VAV2: variants seen among roughly 807,000 people sequenced by gnomAD.
VAV2 encodes vav guanine nucleotide exchange factor 2.
VAV2 carries 67 observed loss-of-function variants against 132.5 expected under a neutral mutation model. That is an observed-to-expected ratio of 0.51 (90% CI 0.42 to 0.62). VAV2 has a LOEUF of 0.62. VAV2 is among the 20% of genes least tolerant of loss of function. VAV2 has a pLI of 0.00. For missense variants in VAV2, 938 were observed against 1,153.6 expected, an observed-to-expected ratio of 0.81 and a Z score of 2.71; for synonymous variants, 492 against 443.5, an observed-to-expected ratio of 1.11 and a Z score of -1.37.
rs889824198 is a variant in VAV2, at chr9:133,879,084, C to T, written c.322-17652G>A. Among the ~76,000 whole-genome samples the T allele has an allele frequency of 2.0e-5, 3 of 152,224 alleles. No homozygotes were observed. The highest frequency in any genetic ancestry group is 4.8e-5 in the African/African-American group (2 of 41,458). Reference sequence around the variant, plus strand: ...CATCCCAGGCATCCTGTGACATAGTCTTCCAGAGGGGACCGGGCCGGGCTT... The same window carrying T: ...CATCCCAGGCATCCTGTGACATAGTTTTCCAGAGGGGACCGGGCCGGGCTT... On this transcript the variant is annotated intron_variant, in intron 2 of 29. Coordinates refer to ENST00000371850, the MANE Select transcript of VAV2 (RefSeq NM_001134398.2). The surrounding 1 kb of genome is among the most constrained non-coding windows in gnomAD (Gnocchi z 4.4).
intron 2 of VAV2, among the ~76,000 whole-genome samples, chr9:133,936,650 G>C (rs2519100): frequency 0.51 from 76,782 of 151,942 alleles, 19,536 homozygotes; most frequent in East Asian, 0.64. Flanking sequence ...GGGGCGGCAG[G>C]AGCAGCAACC....
chr9:133,832,395 G>A (rs1836297169), intron 4 of VAV2, among the ~76,000 whole-genome samples: 1 of 152,174 alleles, frequency 6.6e-6, no homozygotes, highest in Non-Finnish European at 1.5e-5. Flanking sequence ...CTCTGCTGGG[G>A]GTTGGGGCCT....
rs1450008634 is a variant in VAV2 at position 133,991,774 on chromosome 9, C to T, written c.204+301G>A. ...CACTCGCAGGGCCCCGCAGAGCGAG[C>T]GCAGCGCCGGAGCCTCCCCCATCCC... On this transcript the variant is annotated intron_variant, in intron 1 of 29. Coordinates refer to ENST00000371850, the MANE Select transcript of VAV2 (RefSeq NM_001134398.2). This position sits in a 1 kb window ranked among gnomAD's most constrained non-coding sequence, Gnocchi z 4.8. Among the ~76,000 whole-genome samples the T allele has an allele frequency of 6.6e-6, 1 of 151,202 alleles. No individual in the cohort carries two copies. The highest frequency in any genetic ancestry group is 1.5e-5 in the Non-Finnish European group (1 of 67,640).
chr9:133,807,992 C>T lies in VAV2; in HGVS notation c.667-666G>A, dbSNP rs1050814156. 3.9e-5 allele frequency among the ~76,000 whole-genome samples: 6 copies of T among 152,236 alleles called. No homozygotes were observed. In the South Asian group the frequency reaches 8.3e-4, roughly 21 times the overall value. ...CATCCTCTGGGCCCAGCTGCTGCAC[C>T]GCTCCTTGGTCACCACGTGGCACAG... On this transcript the variant is annotated intron_variant, in intron 7 of 29. Coordinates refer to ENST00000371850, the MANE Select transcript of VAV2 (RefSeq NM_001134398.2).
In VAV2 at chr9:133,882,882, C is replaced by T. The variant is rs1007897592; in HGVS notation, c.322-21450G>A. 2.0e-5 allele frequency among the ~76,000 whole-genome samples: 3 copies of T among 152,162 alleles called. No individual in the cohort carries two copies. In the South Asian group the frequency reaches 6.2e-4, roughly 32 times the overall value. On this transcript the variant is annotated intron_variant, in intron 2 of 29. Transcript: ENST00000371850. ...AGGACCCCCAGGGAGCAGGGGGCGA[C>T]AGCTGAGAGGCCCAGGAGGACAAGA...
chr9:133,947,464 C>T (rs1841401053), intron 1 of VAV2, among the ~76,000 whole-genome samples: 1 of 152,114 alleles, frequency 6.6e-6, no homozygotes, highest in Non-Finnish European at 1.5e-5. Flanking sequence ...CTTTGGGAGG[C>T]CAAGGCGGGT....
intron 2 of VAV2, among the ~76,000 whole-genome samples, chr9:133,911,112 C>T (rs573452177): frequency 2.0e-5 from 3 of 152,314 alleles, no homozygotes; most frequent in Non-Finnish European, 4.4e-5. Context: ...CAGGTCTGAT[C>T]TCTACAGTTT....
intron 4 of VAV2, among the ~76,000 whole-genome samples, chr9:133,816,881 T>G (rs960707995): frequency 3.9e-5 from 6 of 152,268 alleles, no homozygotes; most frequent in Non-Finnish European, 8.8e-5. Flanking sequence ...AACACTTCTG[T>G]GTCTTGATAC....
At chr9:133,976,923 G>T (rs1842530458) in intron 1 of VAV2, among the ~76,000 whole-genome samples, 1 of 152,242 alleles carries the variant, frequency 6.6e-6, no homozygotes, top group South Asian at 2.1e-4. Flanking sequence ...AAAGCACACA[G>T]TGTGAGCAGC....
At chr9:133,877,197 C>T (rs777603156) in intron 2 of VAV2, among the ~76,000 whole-genome samples, 45 of 152,260 alleles carry the variant, frequency 3.0e-4, no homozygotes, top group African/African-American at 9.6e-4. Flanking sequence ...CCTGGCTGTA[C>T]GAGGAGAGGC....
intron 1 of VAV2, among the ~76,000 whole-genome samples, chr9:133,959,095 A>G (rs1029559571): frequency 6.6e-6 from 1 of 152,164 alleles, no homozygotes; most frequent in African/African-American, 2.4e-5. Flanking sequence ...GCCCCAGATG[A>G]TGGGGTTCCT....
At chr9:133,954,654 AG>A (rs1243870758) in intron 1 of VAV2, among the ~76,000 whole-genome samples, 3 of 152,220 alleles carry the variant, frequency 2.0e-5, no homozygotes, top group African/African-American at 4.8e-5. Context: ...ATGCTCGAGC[AG>A]GGCAAGGTCT....
Position 133,788,269 on chromosome 9 carries a change from C to T in VAV2, c.1407+85G>A. The T allele has an allele frequency of 6.5e-7, 1 of 1,527,214 alleles. No individual in the cohort carries two copies. The highest frequency in any genetic ancestry group is 8.9e-7 in the Non-Finnish European group (1 of 1,121,336). The allele number at this position is 1,527,214 out of a possible 1,614,324, so 94.6% of individuals were successfully genotyped here. A position where few individuals can be genotyped will look rare whatever the true frequency, so the allele number is the denominator to read the frequency against. Reference sequence around the variant, plus strand: ...AGCATCAGCGGCTGACTTCGAGTCCCCTTCCCCTGGGGTCTGGAACCCAGT... The same window carrying T: ...AGCATCAGCGGCTGACTTCGAGTCCTCTTCCCCTGGGGTCTGGAACCCAGT... On this transcript the variant is annotated intron_variant, in intron 15 of 29. Transcript: ENST00000371850. The surrounding 1 kb of genome is among the most constrained non-coding windows in gnomAD (Gnocchi z 5.3).
At chr9:133,783,876 CGTTTTT>C (rs1834111328) in intron 18 of VAV2, among the ~76,000 whole-genome samples, 1 of 124,970 alleles carries the variant, frequency 8.0e-6, no homozygotes, top group Non-Finnish European at 1.6e-5. Context: ...TTGGCTGGGC[CGTTTTT>C]TTTTTTTTTT....
rs887316901 is a variant in VAV2, at chr9:133,871,479, T to C, written c.322-10047A>G. On this transcript the variant is annotated intron_variant, in intron 2 of 29. Transcript: ENST00000371850. ...ATGGATGGAGAAGCGGATGGATGGA[T>C]GGATGGATGGATGGATGGATGGATG... Among the ~76,000 whole-genome samples, 755 of 124,834 alleles carry C rather than the reference T, an allele frequency of 6.0e-3. 5 individuals carry two copies. Among genetic ancestry groups the C allele is most frequent in the African/African-American group, 0.034 (709 of 20,746 alleles). 81.9% of individuals were successfully genotyped at this position (124,834 alleles called of 152,430 possible). A position where few individuals can be genotyped will look rare whatever the true frequency, so the allele number is the denominator to read the frequency against.
intron 1 of VAV2, among the ~76,000 whole-genome samples, chr9:133,978,445 A>G (rs538886983): frequency 8.5e-5 from 13 of 152,216 alleles, no homozygotes; most frequent in Admixed American, 2.0e-4. Context: ...GGGCTCCCCA[A>G]TCCTGGGAAG....
rs1240859625 is a variant in VAV2 at position 133,833,641 on chromosome 9, G to A, written c.449+631C>T. Among the ~76,000 whole-genome samples, 1 of 152,080 alleles carries A rather than the reference G, an allele frequency of 6.6e-6. No homozygotes were observed. The highest frequency in any genetic ancestry group is 6.5e-5 in the Admixed American group (1 of 15,286). ...CTCCTACCTCCCTCCTCCTGGAGCG[G>A]GCCACGTGATCCCACCCTGGTCACA... is the stretch of plus-strand genomic sequence containing the variant. On this transcript the variant is annotated intron_variant, in intron 4 of 29. Transcript: ENST00000371850. The surrounding 1 kb of genome is among the most constrained non-coding windows in gnomAD (Gnocchi z 5.6).
chr9:133,826,002 G>A lies in VAV2; in HGVS notation c.449+8270C>T, dbSNP rs551482451. Among the ~76,000 whole-genome samples, 83 of 152,300 alleles carry A rather than the reference G, an allele frequency of 5.4e-4. No homozygotes were observed. The highest frequency in any genetic ancestry group is 1.9e-3 in the African/African-American group (81 of 41,562). On this transcript the variant is annotated intron_variant, in intron 4 of 29. Transcript: ENST00000371850. This position sits in a 1 kb window ranked among gnomAD's most constrained non-coding sequence, Gnocchi z 4.2. ...CAATAAAGCATGCAGCTCTACATTCGCGGATACATTACATTCCCTGCCGTG... is the reference window on the plus strand; with the variant it reads ...CAATAAAGCATGCAGCTCTACATTCACGGATACATTACATTCCCTGCCGTG...
chr9:133,852,680 C>T (rs766488542), intron 3 of VAV2, among the ~76,000 whole-genome samples: 6 of 151,954 alleles, frequency 3.9e-5, no homozygotes, highest in Non-Finnish European at 7.4e-5. Flanking sequence ...TTCTCCTGAC[C>T]GTCTCCAGCA....
Sources: allele counts gnomAD v4.1 joint callset (sites outside exome capture counted in the v4.1 genomes callset), GRCh38; gene constraint gnomAD v4.1.1; non-coding constraint Gnocchi (gnomAD v3.1); transcripts MANE v1.5; gene names NCBI Gene and HGNC (gene_info 2026-07-23, HGNC 2026-07-21).